UNC13C: variants seen among roughly 807,000 people sequenced by gnomAD.
UNC13C encodes the protein protein unc-13 homolog C.
UNC13C carries 174 observed loss-of-function variants against 245.4 expected under a neutral mutation model. The ratio of observed to expected loss-of-function variants is 0.71; its 90% CI spans 0.63 to 0.80. The LOEUF is 0.80. Ranked by LOEUF, UNC13C falls within the 30% of genes least tolerant of loss-of-function variation. The probability of loss-of-function intolerance (pLI) is 0.00; values close to 1 mark genes in which losing one functional copy is unlikely to be tolerated. For synonymous variants in UNC13C, 992 were observed against 895.1 expected (o/e 1.11, Z -1.93); for missense variants, 2,829 against 2,602.9 (o/e 1.09, Z -1.89).
intron 4 of UNC13C, among the ~76,000 whole-genome samples, chr15:54,156,839 T>G (rs1204318699): frequency 8.4e-6 from 1 of 118,638 alleles, no homozygotes; most frequent in Non-Finnish European, 1.8e-5. Context: ...GGCAACATAA[T>G]TTTTGAAAGG....
At chr15:53,847,495 T>C in the UNC13C span, among the ~76,000 whole-genome samples, 43 of 151,726 alleles carry the variant, frequency 2.8e-4, no homozygotes, top group Middle Eastern at 3.4e-3. Context: ...CAGCTGGGAT[T>C]ACAGGTGTCC....
chr15:54,589,492 T>C (rs1349445539), intron 30 of UNC13C, among the ~76,000 whole-genome samples: 2 of 151,900 alleles, frequency 1.3e-5, no homozygotes, highest in Non-Finnish European at 2.9e-5. Context: ...AGAGACAGGA[T>C]TTCACCATGT....
At chr15:54,203,808 CTG>C (rs932559586) in intron 4 of UNC13C, among the ~76,000 whole-genome samples, 2 of 109,472 alleles carry the variant, frequency 1.8e-5, no homozygotes, top group African/African-American at 7.0e-5. Context: ...GTGTATATGT[CTG>C]TGTATATATA....
chr15:54,338,077 T>C (rs1292216024), intron 16 of UNC13C, among the ~76,000 whole-genome samples: 1 of 152,188 alleles, frequency 6.6e-6, no homozygotes, highest in African/African-American at 2.4e-5. Flanking sequence ...TAGGAAGTGA[T>C]GAATATTTGT....
the UNC13C span, among the ~76,000 whole-genome samples, chr15:53,877,193 T>TATAATTACTC: frequency 6.6e-6 from 1 of 152,176 alleles, no homozygotes; most frequent in African/African-American, 2.4e-5. Flanking sequence ...GTTACTTTAA[T>TATAATTACTC]ATAATTACTC....
At chr15:54,286,400 A>C (rs367895320) in intron 10 of UNC13C, among the ~76,000 whole-genome samples, 5 of 152,198 alleles carry the variant, frequency 3.3e-5, no homozygotes, top group East Asian at 3.9e-4. Context: ...CCCAACTATA[A>C]GTGCAGTTTT....
intron 7 of UNC13C, among the ~76,000 whole-genome samples, chr15:54,241,676 T>TA (rs1567128108): frequency 6.6e-6 from 1 of 152,260 alleles, no homozygotes; most frequent in African/African-American, 2.4e-5. Flanking sequence ...ATAGCTTATG[T>TA]AGAAAGCTCT....
chr15:54,427,761 T>C (rs1167016615), intron 19 of UNC13C, among the ~76,000 whole-genome samples: 1 of 151,832 alleles, frequency 6.6e-6, no homozygotes, highest in Non-Finnish European at 1.5e-5. Context: ...TAGTCATAAA[T>C]GTTCTCGACT....
At chr15:53,988,107 A>G (rs77606251) in intron 1 of UNC13C, among the ~76,000 whole-genome samples, 4,020 of 151,812 alleles carry the variant, frequency 0.026, 169 homozygotes, top group African/African-American at 0.084. Flanking sequence ...CTTCTCTTCT[A>G]TTTTCACTAG....
intron 4 of UNC13C, among the ~76,000 whole-genome samples, chr15:54,209,920 T>C (rs1487188539): frequency 1.3e-5 from 2 of 152,080 alleles, no homozygotes; most frequent in African/African-American, 4.8e-5. Flanking sequence ...AAGTATCTGG[T>C]AGATGTTAAC....
At chr15:53,966,794 C>T in the UNC13C span, among the ~76,000 whole-genome samples, 1 of 151,900 alleles carries the variant, frequency 6.6e-6, no homozygotes, top group Admixed American at 6.6e-5. Flanking sequence ...AGTAAGCTTC[C>T]TTTGAATTTA....
intron 13 of UNC13C, among the ~76,000 whole-genome samples, chr15:54,319,820 C>T (rs573201258): frequency 6.7e-6 from 1 of 148,256 alleles, no homozygotes; most frequent in Non-Finnish European, 1.5e-5. Flanking sequence ...TTTTATCTTT[C>T]ACTTTTATCA....
intron 25 of UNC13C, among the ~76,000 whole-genome samples, chr15:54,528,216 A>G (rs765612336): frequency 6.6e-6 from 1 of 152,180 alleles, no homozygotes; most frequent in Non-Finnish European, 1.5e-5. Context: ...ACTAAGTGAT[A>G]TAACCTCAAC....
chr15:54,578,276 C>T lies in UNC13C; in HGVS notation c.6106+10329C>T, dbSNP rs571686597. On this transcript the variant is annotated intron_variant, in intron 30 of 32. Transcript: ENST00000260323. ...GACTAAAATGTACATATTTTTAGCTCGGAATAGGTGTACTTCTAGTGTTTC... is the reference window on the plus strand; with the variant it reads ...GACTAAAATGTACATATTTTTAGCTTGGAATAGGTGTACTTCTAGTGTTTC... Among the ~76,000 whole-genome samples the T allele has an allele frequency of 1.2e-4, 19 of 152,208 alleles. No individual in the cohort carries two copies. In the East Asian group the frequency reaches 1.7e-3, roughly 14 times the overall value.
At chr15:54,258,778 A>G (rs1486601095) in intron 8 of UNC13C, among the ~76,000 whole-genome samples, 1 of 152,180 alleles carries the variant, frequency 6.6e-6, no homozygotes. Flanking sequence ...TTGAATCCTC[A>G]TACTGTTAAG....
At chr15:54,561,473 T>A (rs768976378) in intron 29 of UNC13C, among the ~76,000 whole-genome samples, 1 of 151,970 alleles carries the variant, frequency 6.6e-6, no homozygotes. Flanking sequence ...ATAGAAAGTT[T>A]TTTTTTGGAG....
At chr15:53,867,523 G>A in the UNC13C span, among the ~76,000 whole-genome samples, 2 of 152,002 alleles carry the variant, frequency 1.3e-5, no homozygotes, top group Non-Finnish European at 2.9e-5. Flanking sequence ...CTGAAGGCTC[G>A]AGGTATCCAC....
At chr15:54,618,080 A>G (rs1033039295) in intron 30 of UNC13C, among the ~76,000 whole-genome samples, 1 of 152,150 alleles carries the variant, frequency 6.6e-6, no homozygotes, top group Non-Finnish European at 1.5e-5. Context: ...TCATTATTAA[A>G]TGTGTGAGAC....
intron 23 of UNC13C, among the ~76,000 whole-genome samples, chr15:54,510,309 A>G (rs188265400): frequency 6.6e-6 from 1 of 152,242 alleles, no homozygotes; most frequent in East Asian, 1.9e-4. Context: ...GTAAATGTCA[A>G]TGACCCTACC....
Sources: allele counts gnomAD v4.1 joint callset (sites outside exome capture counted in the v4.1 genomes callset), GRCh38; gene constraint gnomAD v4.1.1; transcripts MANE v1.5; gene names NCBI Gene and HGNC (gene_info 2026-07-23, HGNC 2026-07-21).